Variants in C8orf76 observed in about 807,000 individuals in gnomAD.
The protein encoded by C8orf76 is uncharacterized protein C8orf76.
Under a neutral mutation model 38.1 loss-of-function variants are expected in C8orf76, and 46 were observed. The ratio of observed to expected loss-of-function variants is 1.21; its 90% CI spans 0.95 to 1.54. The LOEUF (loss-of-function observed/expected upper bound fraction) is 1.54. Ranked by LOEUF, C8orf76 falls within the 40% of genes most tolerant of loss-of-function variation. C8orf76 has a pLI of 0.00. For missense variants in C8orf76, 461 were observed against 441.6 expected, an observed-to-expected ratio of 1.04 and a Z score of -0.39; for synonymous variants, 166 against 167.5, an observed-to-expected ratio of 0.99 and a Z score of 0.07.
chr8:123,240,150 G>C (rs1000781499), intron 1 of C8orf76, among the ~76,000 whole-genome samples: 2 of 151,186 alleles, frequency 1.3e-5, no homozygotes, highest in African/African-American at 4.9e-5. Flanking sequence ...TTTCTGAAGG[G>C]ACAAATAAGG....
intron 1 of C8orf76, chr8:123,239,875 C>T (rs1825623317): frequency 6.6e-6 from 1 of 151,506 alleles, no homozygotes; most frequent in Admixed American, 6.6e-5. Context: ...GTCTGTAATC[C>T]CAGCTAGCTG....
chr8:123,226,222 GAAAC>G (rs778802083), intron 5 of C8orf76: 222 of 1,288,246 alleles, frequency 1.7e-4, no homozygotes, highest in Middle Eastern at 1.5e-3. Flanking sequence ...ATTCAGCACT[GAAAC>G]AAACAATTAT....
intron 5 of C8orf76, among the ~76,000 whole-genome samples, chr8:123,223,649 A>T (rs566336752): frequency 6.6e-6 from 1 of 152,316 alleles, no homozygotes; most frequent in East Asian, 1.9e-4. Context: ...AAACATACTT[A>T]TATGCTAATG....
intron 1 of C8orf76, among the ~76,000 whole-genome samples, chr8:123,241,029 G>T (rs1213226079): frequency 1.3e-5 from 2 of 152,226 alleles, no homozygotes; most frequent in Admixed American, 6.5e-5. Flanking sequence ...TACAACGCGG[G>T]GATTCTCGCC....
intron 1 of C8orf76, chr8:123,239,691 A>G (rs1432511129): frequency 6.6e-6 from 1 of 152,516 alleles, no homozygotes; most frequent in African/African-American, 2.4e-5. Context: ...TTGCTTGACT[A>G]TTGAATAAAT....
chr8:123,236,436 T>C (rs1825478914), intron 3 of C8orf76, among the ~76,000 whole-genome samples: 1 of 152,028 alleles, frequency 6.6e-6, no homozygotes, highest in Non-Finnish European at 1.5e-5. Context: ...CCTTTCTTTA[T>C]CCCTTAAAAA....
At position 123,231,763 on chromosome 8, in the gene C8orf76, G is replaced by T; in HGVS notation, c.358-6C>A. Reference sequence around the variant, plus strand: ...GTGTTGGTTGCTTTATTTTCCTAAGGAGAAAAAAAAAAGGTTAAGAAGTTT... The same window carrying T: ...GTGTTGGTTGCTTTATTTTCCTAAGTAGAAAAAAAAAAGGTTAAGAAGTTT... On this transcript the variant is annotated splice_region_variant and splice_polypyrimidine_tract_variant and intron_variant, in intron 3 of 5. Coordinates refer to ENST00000276704, the MANE Select transcript of C8orf76 (RefSeq NM_032847.3). 1 of 1,539,536 alleles carries T rather than the reference G, an allele frequency of 6.5e-7. No homozygotes were observed. Among genetic ancestry groups the T allele is most frequent in the South Asian group, 1.2e-5 (1 of 81,844 alleles).
chr8:123,226,065 A>C, intron 5 of C8orf76: 5 of 751,852 alleles, frequency 6.7e-6, no homozygotes, highest in Non-Finnish European at 8.2e-6. Flanking sequence ...GCTCCAGACC[A>C]GCTCTCCCAC....
chr8:123,227,256 CTT>C (rs532233177), intron 4 of C8orf76, among the ~76,000 whole-genome samples: 3,472 of 139,598 alleles, frequency 0.025, 125 homozygotes, highest in African/African-American at 0.085. Context: ...CATTTGGCTC[CTT>C]TTTTTTTTTT....
chr8:123,226,680 C>G (rs1825056306), intron 4 of C8orf76, 48 bp from the exon 5 acceptor site: 2 of 1,542,468 alleles, frequency 1.3e-6, no homozygotes, highest in African/African-American at 2.8e-5. Context: ...CCCAACGCTT[C>G]CAGATAAAGG....
At chr8:123,226,665 A>G in intron 4 of C8orf76, 33 bp from the exon 5 acceptor site, 1 of 1,571,740 alleles carries the variant, frequency 6.4e-7, no homozygotes, top group Non-Finnish European at 8.6e-7. Context: ...TGCGTGGCGA[A>G]AAGTCCCAAC....
intron 4 of C8orf76, among the ~76,000 whole-genome samples, chr8:123,228,629 A>C (rs77868996): frequency 5.3e-5 from 8 of 151,990 alleles, no homozygotes; most frequent in African/African-American, 1.5e-4. Context: ...CAAAAAAAAA[A>C]ACACCAAAAC....
intron 1 of C8orf76, 173 bp from the exon 2 acceptor site, chr8:123,239,317 G>T: frequency 1.7e-6 from 1 of 600,870 alleles, no homozygotes; most frequent in Non-Finnish European, 2.8e-6. Context: ...TGCCCACCTT[G>T]GCCTCCCAAA....
intron 4 of C8orf76, among the ~76,000 whole-genome samples, chr8:123,230,737 G>A (rs200214977): frequency 2.0e-5 from 3 of 150,630 alleles, no homozygotes; most frequent in Non-Finnish European, 2.9e-5. Context: ...TGCAACCTCC[G>A]CCTCCCGGGT....
intron 4 of C8orf76, 74 bp from the exon 5 acceptor site, chr8:123,226,706 T>C (rs1025554258): frequency 1.3e-6 from 2 of 1,508,582 alleles, no homozygotes; most frequent in Non-Finnish European, 1.8e-6. Flanking sequence ...CGCGAGGAAA[T>C]GTTCAGAAAG....
intron 1 of C8orf76, chr8:123,240,070 G>C (rs546942587): frequency 3.3e-5 from 5 of 152,002 alleles, no homozygotes; most frequent in Non-Finnish European, 7.4e-5. Flanking sequence ...CATCAGATCT[G>C]ACAAAGTATT....
intron 4 of C8orf76, among the ~76,000 whole-genome samples, chr8:123,227,256 CTTTTT>C (rs532233177): frequency 2.9e-5 from 4 of 139,692 alleles, no homozygotes; most frequent in Admixed American, 7.3e-5. Context: ...CATTTGGCTC[CTTTTT>C]TTTTTTTTTT....
chr8:123,236,384 C>A (rs990069931), intron 3 of C8orf76, among the ~76,000 whole-genome samples: 3 of 152,210 alleles, frequency 2.0e-5, no homozygotes, highest in African/African-American at 7.2e-5. Context: ...AATGCCTTAA[C>A]CTAGAAACAA....
intron 5 of C8orf76, chr8:123,226,295 CA>C: frequency 7.2e-7 from 1 of 1,398,326 alleles, no homozygotes; most frequent in Non-Finnish European, 9.2e-7. Context: ...GTACATGAAA[CA>C]CAGCCCCTGC....
Sources: allele counts gnomAD v4.1 joint callset (sites outside exome capture counted in the v4.1 genomes callset), GRCh38; gene constraint gnomAD v4.1.1; transcripts MANE v1.5; gene names NCBI Gene and HGNC (gene_info 2026-07-23, HGNC 2026-07-21).